ADAMTS12: variants seen among roughly 807,000 people sequenced by gnomAD.
ADAMTS12 encodes the protein A disintegrin and metalloproteinase with thrombospondin motifs 12.
ADAMTS12 carries 118 observed loss-of-function variants against 167.8 expected under a neutral mutation model. That is an observed-to-expected ratio of 0.70 (90% CI 0.61 to 0.82). The LOEUF (loss-of-function observed/expected upper bound fraction) is 0.82. Among genes scored for constraint, ADAMTS12 ranks in the 40% least tolerant of loss-of-function variants. ADAMTS12 has a pLI of 0.00. For synonymous variants in ADAMTS12, 704 were observed against 716.9 expected (o/e 0.98, Z 0.29); for missense variants, 1,916 against 1,998.8 (o/e 0.96, Z 0.79).
intron 2 of ADAMTS12, among the ~76,000 whole-genome samples, chr5:33,835,530 T>A (rs953558530): frequency 6.6e-6 from 1 of 152,208 alleles, no homozygotes; most frequent in African/African-American, 2.4e-5. Context: ...AGATTCAGTA[T>A]CTGGCGAGGG....
chr5:33,561,197 A>G lies in ADAMTS12; in HGVS notation c.3973-18T>C. ...GTGGAGCACTGTAGCAGGGAAGGAG[A>G]GAGATGACAGAGGCTGAGTGTCACC... On this transcript the variant is annotated intron_variant, in intron 19 of 23. Coordinates refer to ENST00000504830, the MANE Select transcript of ADAMTS12 (RefSeq NM_030955.4). The G allele has an allele frequency of 1.2e-6, 2 of 1,610,794 alleles. No homozygotes were observed. The highest frequency in any genetic ancestry group is 1.7e-6 in the Non-Finnish European group (2 of 1,178,650).
chr5:33,885,507 T>TC (rs1207369234), intron 1 of ADAMTS12, among the ~76,000 whole-genome samples: 3 of 152,146 alleles, frequency 2.0e-5, no homozygotes, highest in Non-Finnish European at 2.9e-5. Flanking sequence ...AAATTGTAGT[T>TC]CCTGTGTTGC....
intron 23 of ADAMTS12, among the ~76,000 whole-genome samples, chr5:33,529,482 T>A (rs576290318): frequency 6.6e-6 from 1 of 152,198 alleles, no homozygotes; most frequent in Admixed American, 6.5e-5. Context: ...ACAGAGAAAA[T>A]ATTTTCATAG....
At chr5:33,762,790 C>T (rs1023019679) in intron 2 of ADAMTS12, among the ~76,000 whole-genome samples, 6 of 152,186 alleles carry the variant, frequency 3.9e-5, no homozygotes, top group African/African-American at 1.4e-4. Flanking sequence ...TCTGGTACTT[C>T]AGAGTGACTA....
At chr5:33,841,117 G>C (rs906100913) in intron 2 of ADAMTS12, among the ~76,000 whole-genome samples, 2 of 152,018 alleles carry the variant, frequency 1.3e-5, no homozygotes, top group African/African-American at 4.8e-5. Context: ...CAGTCTCCTG[G>C]CTGGATTCTC....
At chr5:33,818,008 G>A (rs1707924790) in intron 2 of ADAMTS12, among the ~76,000 whole-genome samples, 1 of 152,074 alleles carries the variant, frequency 6.6e-6, no homozygotes, top group South Asian at 2.1e-4. Flanking sequence ...AAATGTTACT[G>A]TGTACATTTG....
At chr5:33,891,552 G>C (rs1750853509) in intron 1 of ADAMTS12, 178 bp downstream of exon 1, 1 of 816,634 alleles carries the variant, frequency 1.2e-6, no homozygotes. Context: ...ATCACCTTAA[G>C]CACTGAATTC....
intron 20 of ADAMTS12, among the ~76,000 whole-genome samples, chr5:33,553,157 A>G (rs1745330515): frequency 1.3e-5 from 2 of 152,218 alleles, no homozygotes; most frequent in African/African-American, 4.8e-5. Flanking sequence ...AATCAAAACC[A>G]CAATGAGATA....
At chr5:33,823,911 T>C (rs1433677188) in intron 2 of ADAMTS12, among the ~76,000 whole-genome samples, 2 of 152,130 alleles carry the variant, frequency 1.3e-5, no homozygotes, top group Admixed American at 6.6e-5. Flanking sequence ...AAATAATTGA[T>C]GAATATGTTG....
chr5:33,810,399 T>A (rs1489560758), intron 2 of ADAMTS12, among the ~76,000 whole-genome samples: 1 of 152,236 alleles, frequency 6.6e-6, no homozygotes. Flanking sequence ...ACTTCCAGGA[T>A]GATCAGAAGT....
rs76204219 is a variant in ADAMTS12, at chr5:33,670,717, G to A, written c.916-8677C>T. On this transcript the variant is annotated intron_variant, in intron 5 of 23. Transcript: ENST00000504830. The stretch of plus-strand genomic sequence containing the variant: ...AGATCGTGCCACTGCACTCCAGCCT[G>A]AACGGCAAAAGCGAGACTCTATCTC... Among the ~76,000 whole-genome samples, 784 of 152,328 alleles carry A rather than the reference G, an allele frequency of 5.1e-3. 10 individuals carry two copies. The highest frequency in any genetic ancestry group is 0.018 in the African/African-American group (740 of 41,580).
chr5:33,880,554 T>C (rs978259752), intron 2 of ADAMTS12, among the ~76,000 whole-genome samples: 10 of 152,258 alleles, frequency 6.6e-5, no homozygotes, highest in East Asian at 1.9e-4. Flanking sequence ...ATTTGGCCTA[T>C]GGTTCATAGT....
At chr5:33,833,728 T>C (rs960336597) in intron 2 of ADAMTS12, among the ~76,000 whole-genome samples, 1 of 152,220 alleles carries the variant, frequency 6.6e-6, no homozygotes, top group Non-Finnish European at 1.5e-5. Context: ...AAACTGATGA[T>C]GGCACAGCCA....
At chr5:33,562,862 C>T (rs777445135) in intron 19 of ADAMTS12, among the ~76,000 whole-genome samples, 1 of 152,084 alleles carries the variant, frequency 6.6e-6, no homozygotes, top group Non-Finnish European at 1.5e-5. Flanking sequence ...AAACTCCTGA[C>T]CTCAGGTGAT....
intron 6 of ADAMTS12, 67 bp from the exon 7 acceptor site, chr5:33,658,400 A>G: frequency 6.3e-7 from 1 of 1,585,324 alleles, no homozygotes; most frequent in Non-Finnish European, 8.6e-7. Flanking sequence ...CTGGAAAAAA[A>G]TCTGGGTATA....
chr5:33,584,072 C>T (rs1747210439), intron 18 of ADAMTS12, among the ~76,000 whole-genome samples: 1 of 152,180 alleles, frequency 6.6e-6, no homozygotes, highest in South Asian at 2.1e-4. Context: ...AGACGCTGTG[C>T]TGCCTGCGTT....
chr5:33,879,020 A>G (rs1000909601), intron 2 of ADAMTS12, among the ~76,000 whole-genome samples: 3 of 152,164 alleles, frequency 2.0e-5, no homozygotes, highest in African/African-American at 7.2e-5. Flanking sequence ...GAGTGGAGGA[A>G]TGGGGGAATG....
chr5:33,638,883 T>C (rs1446128181), intron 11 of ADAMTS12, among the ~76,000 whole-genome samples: 1 of 152,186 alleles, frequency 6.6e-6, no homozygotes, highest in African/African-American at 2.4e-5. Context: ...TCAATGGGTC[T>C]CTCAAAATGG....
intron 12 of ADAMTS12, 135 bp from the exon 13 acceptor site, chr5:33,631,048 A>T: frequency 2.2e-6 from 2 of 916,476 alleles, no homozygotes; most frequent in South Asian, 3.9e-5. Context: ...CTTGAGACAC[A>T]TGCTGAAATA....
Sources: allele counts gnomAD v4.1 joint callset (sites outside exome capture counted in the v4.1 genomes callset), GRCh38; gene constraint gnomAD v4.1.1; transcripts MANE v1.5; gene names NCBI Gene and HGNC (gene_info 2026-07-23, HGNC 2026-07-21).